Variants in IFI16 observed in about 807,000 individuals in gnomAD.
IFI16 encodes gamma-interferon-inducible protein 16.
In IFI16, 49 loss-of-function variants were observed where a neutral mutation model predicts 68.4. The ratio of observed to expected loss-of-function variants is 0.72; its 90% CI spans 0.57 to 0.91. The LOEUF (loss-of-function observed/expected upper bound fraction) is 0.91, where lower values mean the gene tolerates loss of function less well. IFI16 is among the 40% of genes least tolerant of loss of function. The probability of loss-of-function intolerance (pLI) is 0.00; values close to 1 mark genes in which losing one functional copy is unlikely to be tolerated. For synonymous variants in IFI16, 307 were observed against 315.0 expected (o/e 0.97, Z 0.27); for missense variants, 878 against 942.9 (o/e 0.93, Z 0.90).
intron 1 of IFI16, among the ~76,000 whole-genome samples, chr1:159,012,313 G>A (rs1199496372): frequency 6.6e-6 from 1 of 152,136 alleles, no homozygotes; most frequent in African/African-American, 2.4e-5. Flanking sequence ...TCTGTGCTGT[G>A]GAGCTAGATA....
upstream of IFI16, among the ~76,000 whole-genome samples, chr1:159,006,406 G>C (rs185514461): frequency 8.5e-5 from 13 of 152,252 alleles, no homozygotes; most frequent in East Asian, 2.5e-3. Context: ...ATTAGATATA[G>C]GGTCTATGCC....
chr1:159,044,204 G>A lies in IFI16; in HGVS notation c.1330-1093G>A, dbSNP rs572327340. On this transcript the variant is annotated intron_variant, in intron 7 of 11. Coordinates refer to ENST00000295809, the MANE Select transcript of IFI16 (RefSeq NM_001376587.1). ...CCATCTCACATGTGGGAAAACTGAG[G>A]TGCAAAGAAATCTTCCTCAGGGTCA... is the stretch of plus-strand genomic sequence containing the variant. Among the ~76,000 whole-genome samples, 58 of 152,174 alleles carry A rather than the reference G, an allele frequency of 3.8e-4. 3 individuals are homozygous for A. In the South Asian group the frequency reaches 8.5e-3, roughly 22 times the overall value.
upstream of IFI16, among the ~76,000 whole-genome samples, chr1:159,003,747 G>A (rs531054444): frequency 7.9e-5 from 12 of 152,194 alleles, no homozygotes; most frequent in Admixed American, 3.3e-4. Flanking sequence ...TGCAAGCTCC[G>A]CCTCCTGGGT....
intron 1 of IFI16, among the ~76,000 whole-genome samples, chr1:159,012,875 T>A (rs1372072200): frequency 6.6e-6 from 1 of 152,210 alleles, no homozygotes; most frequent in Non-Finnish European, 1.5e-5. Context: ...AAGTCAAAAC[T>A]TTCCATTGAA....
rs371869833 is a variant in IFI16, at chr1:159,051,765, C to A, written c.1752C>A (p.Asn584Lys). The A allele has an allele frequency of 6.2e-7, 1 of 1,613,702 alleles. No homozygotes were observed. Among genetic ancestry groups the A allele is most frequent in the Non-Finnish European group, 8.5e-7 (1 of 1,179,768 alleles). The change falls in exon 10 of 12, where the codon AAC becomes AAA. Residue 584 changes from asparagine (N) to lysine (K), a missense_variant. Asn to Lys is a moderately conservative substitution (Grantham distance 94). Coordinates refer to ENST00000295809, the MANE Select transcript of IFI16 (RefSeq NM_001376587.1). ...QSDLKEVMVL[N>K]ATESFVYEPK... ...ACCTCAAAGAAGTGATGGTGCTGAACGCAACAGAATCATTTGTATATGAGC... is the reference window on the plus strand; with the variant it reads ...ACCTCAAAGAAGTGATGGTGCTGAAAGCAACAGAATCATTTGTATATGAGC...
chr1:159,003,575 G>A (rs1325575112), upstream of IFI16, among the ~76,000 whole-genome samples: 4 of 151,816 alleles, frequency 2.6e-5, no homozygotes, highest in Non-Finnish European at 4.4e-5. Flanking sequence ...CTGTCACTGA[G>A]TTAGGGAACA....
intron 8 of IFI16, among the ~76,000 whole-genome samples, chr1:159,045,879 T>A (rs1654951582): frequency 6.6e-6 from 1 of 151,050 alleles, no homozygotes; most frequent in Admixed American, 6.6e-5. Flanking sequence ...TAAGCAAAAA[T>A]AATTAATTTT....
In IFI16 at chr1:159,016,686, A is replaced by G. The variant is rs757244892; in HGVS notation, c.535A>G (p.Ser179Gly). The G allele has an allele frequency of 5.6e-6, 9 of 1,613,150 alleles. No homozygotes were observed. Among genetic ancestry groups the G allele is most frequent in the South Asian group, 1.1e-5 (1 of 90,914 alleles). Residue 179 changes from serine (S) to glycine (G), a missense_variant, in exon 4 of 12, where the codon AGT becomes GGT. Physicochemically the swap from Ser to Gly is moderately conservative, Grantham distance 56. Transcript: ENST00000295809. ...PKTSLSAPPN[S>G]SSTENPKTVA... ...GACCTCATTGTCAGCTCCACCCAAC[A>G]GTTCTTCAACTGAGGTACACTCTTC...
At chr1:159,046,224 C>T (rs977937455) in intron 8 of IFI16, among the ~76,000 whole-genome samples, 8 of 151,132 alleles carry the variant, frequency 5.3e-5, no homozygotes, top group South Asian at 4.2e-4. Context: ...GATCTTCTTT[C>T]ATTACCCTCA....
chr1:159,026,844 C>T (rs1355411279), intron 6 of IFI16, among the ~76,000 whole-genome samples: 1 of 152,152 alleles, frequency 6.6e-6, no homozygotes, highest in African/African-American at 2.4e-5. Context: ...TATAGCAGAG[C>T]TACTGATTTT....
intron 8 of IFI16, among the ~76,000 whole-genome samples, chr1:159,045,793 T>A (rs1352060697): frequency 6.6e-6 from 1 of 151,244 alleles, no homozygotes; most frequent in Non-Finnish European, 1.5e-5. Context: ...ACCATAACAC[T>A]ATCACTGATT....
rs1463195141 is a variant in IFI16 at position 159,045,736 on chromosome 1, C to T, written c.1497+272C>T. Among the ~76,000 whole-genome samples, 22 of 150,910 alleles carry T rather than the reference C, an allele frequency of 1.5e-4. 1 individual carries two copies. The highest frequency in any genetic ancestry group is 6.3e-4 in the South Asian group (3 of 4,776). ...TTTTTGTTTTTCCCTCAATACACCACGAAAATAATACTTTAAGGTAGAACA... is the reference window on the plus strand; with the variant it reads ...TTTTTGTTTTTCCCTCAATACACCATGAAAATAATACTTTAAGGTAGAACA... On this transcript the variant is annotated intron_variant, in intron 8 of 11. Transcript: ENST00000295809.
At chr1:159,031,716 C>A (rs1486560699) in intron 6 of IFI16, among the ~76,000 whole-genome samples, 2 of 152,168 alleles carry the variant, frequency 1.3e-5, no homozygotes, top group East Asian at 3.9e-4. Context: ...CAGCAGCAGT[C>A]CGCTTTTTTT....
intron 1 of IFI16, among the ~76,000 whole-genome samples, chr1:159,012,718 A>C (rs1571830037): frequency 6.6e-6 from 1 of 152,138 alleles, no homozygotes; most frequent in Non-Finnish European, 1.5e-5. Context: ...CTATAGGGGT[A>C]ATTAGGCGGG....
At chr1:159,038,940 C>T (rs1654470856) in intron 7 of IFI16, among the ~76,000 whole-genome samples, 1 of 152,172 alleles carries the variant, frequency 6.6e-6, no homozygotes. Flanking sequence ...AAACAGCCAA[C>T]ACGTGAGTTT....
intron 2 of IFI16, 51 bp downstream of exon 2, chr1:159,014,996 C>T: frequency 6.7e-7 from 1 of 1,497,498 alleles, no homozygotes; most frequent in Non-Finnish European, 9.0e-7. Flanking sequence ...CCAAACCCTC[C>T]CCAACATTGA....
intron 9 of IFI16, among the ~76,000 whole-genome samples, chr1:159,050,077 A>G (rs572257334): frequency 2.0e-5 from 3 of 152,328 alleles, no homozygotes; most frequent in Admixed American, 6.5e-5. Context: ...CTGATTTTAT[A>G]CCTTTCAGTA....
chr1:159,051,048 T>C (rs1025630752), intron 9 of IFI16, among the ~76,000 whole-genome samples: 1 of 152,162 alleles, frequency 6.6e-6, no homozygotes, highest in Non-Finnish European at 1.5e-5. Context: ...ATGATTTTTT[T>C]CTCTATTTTT....
At position 159,025,836 on chromosome 1, in the gene IFI16, T is replaced by C. The variant is rs1653634096; in HGVS notation, c.1161+5307T>C. ...ATTTAAGTTCTTGATCCATCTTGAGTTGATTTTTGTATAAGGTGAGAGATG... is the reference window on the plus strand; with the variant it reads ...ATTTAAGTTCTTGATCCATCTTGAGCTGATTTTTGTATAAGGTGAGAGATG... On this transcript the variant is annotated intron_variant, in intron 6 of 11. Transcript: ENST00000295809. Among the ~76,000 whole-genome samples the C allele has an allele frequency of 3.9e-5, 6 of 152,192 alleles. No individual in the cohort carries two copies. In the South Asian group the frequency reaches 1.2e-3, roughly 32 times the overall value.
Sources: allele counts gnomAD v4.1 joint callset (sites outside exome capture counted in the v4.1 genomes callset), GRCh38; gene constraint gnomAD v4.1.1; transcripts MANE v1.5; gene names NCBI Gene and HGNC (gene_info 2026-07-23, HGNC 2026-07-21).